FMN2: variants seen among roughly 807,000 people sequenced by gnomAD.
FMN2 encodes formin 2.
A neutral mutation model predicts 142.3 loss-of-function variants in FMN2; 51 were observed. The observed-to-expected ratio is 0.36, with a 90% CI of 0.29 to 0.45. The LOEUF (loss-of-function observed/expected upper bound fraction) is 0.45, where lower values mean the gene tolerates loss of function less well. Ranked by LOEUF, FMN2 falls within the 20% of genes least tolerant of loss-of-function variation. The pLI, the probability that FMN2 is intolerant of heterozygous loss-of-function variation, is 1.00. For synonymous variants in FMN2, 882 were observed against 869.8 expected (o/e 1.01, Z -0.25); for missense variants, 1,936 against 2,122.8 (o/e 0.91, Z 1.73).
At chr1:240,454,870 TG>T (rs371663794) in intron 16 of FMN2, among the ~76,000 whole-genome samples, 154 of 152,264 alleles carry the variant, frequency 1.0e-3, no homozygotes, top group African/African-American at 3.5e-3. Flanking sequence ...GAAAAGCTAT[TG>T]TTTTTTAATG....
chr1:240,364,494 C>A lies in FMN2; in HGVS notation c.4858+8586C>A, dbSNP rs181116531. On this transcript the variant is annotated intron_variant, in intron 14 of 17. Transcript: ENST00000319653. ...AAATGATGATTCCATTTTAAAGGTA[C>A]CTTTCTTGCCACTCTTAACATTTGA... Among the ~76,000 whole-genome samples the A allele has an allele frequency of 3.0e-4, 46 of 152,152 alleles. 1 individual carries two copies. Among genetic ancestry groups the A allele is most frequent in the Middle Eastern group, 6.8e-3 (2 of 294 alleles).
intron 2 of FMN2, chr1:240,143,512 T>C: frequency 6.3e-7 from 1 of 1,581,418 alleles, no homozygotes; most frequent in Non-Finnish European, 8.7e-7. Context: ...TTCCTCCTTC[T>C]CTTTGGAGTC....
At chr1:240,246,138 C>A (rs1300172674) in intron 6 of FMN2, among the ~76,000 whole-genome samples, 3 of 151,676 alleles carry the variant, frequency 2.0e-5, no homozygotes, top group Non-Finnish European at 2.9e-5. Context: ...TGAGATCGCA[C>A]CACTGCACTC....
rs752597475 is a variant in FMN2 at position 240,092,552 on chromosome 1, G to T, written c.443G>T (p.Gly148Val). Residue 148 changes from glycine (G) to valine (V), a missense_variant, in exon 1 of 18, where the codon GGG becomes GTG. Physicochemically the swap from Gly to Val is moderately radical, Grantham distance 109. Coordinates refer to ENST00000319653, the MANE Select transcript of FMN2 (RefSeq NM_020066.5). ...PFEVTGPGGP[G>V]PAEARVGGRP... The stretch of plus-strand genomic sequence containing the variant: ...GAGGTGACCGGTCCAGGGGGTCCTG[G>T]GCCTGCCGAGGCTAGGGTCGGGGGC... The T allele has an allele frequency of 1.9e-6, 3 of 1,612,794 alleles. No homozygotes were observed. The highest frequency in any genetic ancestry group is 2.5e-6 in the Non-Finnish European group (3 of 1,179,648).
intron 13 of FMN2, among the ~76,000 whole-genome samples, chr1:240,336,451 A>ATC (rs949414789): frequency 2.6e-5 from 4 of 151,028 alleles, no homozygotes; most frequent in African/African-American, 9.7e-5. Flanking sequence ...ATTTTCCCCA[A>ATC]TCTGAACACA....
chr1:240,423,097 G>T (rs902034468), intron 15 of FMN2, among the ~76,000 whole-genome samples: 27 of 152,022 alleles, frequency 1.8e-4, no homozygotes, highest in African/African-American at 5.8e-4. Flanking sequence ...TTTTTTCATT[G>T]CCTGCAACAA....
intron 15 of FMN2, among the ~76,000 whole-genome samples, chr1:240,417,230 A>G (rs1674606420): frequency 6.7e-6 from 1 of 150,280 alleles, no homozygotes. Context: ...TATGATATAT[A>G]TTCTCATCCG....
At chr1:240,242,005 C>T (rs1211666955) in intron 6 of FMN2, among the ~76,000 whole-genome samples, 1 of 151,818 alleles carries the variant, frequency 6.6e-6, no homozygotes, top group Non-Finnish European at 1.5e-5. Context: ...GCCACCACGC[C>T]CGGCTAATTT....
chr1:240,216,485 G>T (rs1036806612), intron 6 of FMN2, among the ~76,000 whole-genome samples: 18 of 152,240 alleles, frequency 1.2e-4, no homozygotes, highest in African/African-American at 4.3e-4. Context: ...AAAATTCTTT[G>T]CCCAGAGAAT....
intron 15 of FMN2, among the ~76,000 whole-genome samples, chr1:240,397,388 G>T (rs1162146076): frequency 6.6e-6 from 1 of 152,108 alleles, no homozygotes; most frequent in Non-Finnish European, 1.5e-5. Flanking sequence ...TTCATATTCA[G>T]GAAGCTGAGT....
intron 2 of FMN2, among the ~76,000 whole-genome samples, chr1:240,124,684 T>C (rs957320735): frequency 3.9e-5 from 6 of 152,166 alleles, no homozygotes; most frequent in Admixed American, 6.5e-5. Flanking sequence ...TCTTTTTTTT[T>C]TGAGACGTAG....
intron 2 of FMN2, among the ~76,000 whole-genome samples, chr1:240,157,900 C>T (rs1664091081): frequency 6.7e-6 from 1 of 150,370 alleles, no homozygotes; most frequent in Non-Finnish European, 1.5e-5. Context: ...ACTTTAGGAG[C>T]CTGAGGCAGG....
At chr1:240,232,828 A>AT (rs942145988) in intron 6 of FMN2, among the ~76,000 whole-genome samples, 1 of 151,822 alleles carries the variant, frequency 6.6e-6, no homozygotes, top group Non-Finnish European at 1.5e-5. Flanking sequence ...TCTACTATAC[A>AT]TTTTTTTTCC....
At chr1:240,209,527 G>T (rs993970578) in intron 5 of FMN2, among the ~76,000 whole-genome samples, 24 of 150,888 alleles carry the variant, frequency 1.6e-4, no homozygotes, top group Non-Finnish European at 2.8e-4. Flanking sequence ...ATGCTGGGAT[G>T]ACAGGCGTGA....
chr1:240,317,005 G>A lies in FMN2; in HGVS notation c.4216-12071G>A, dbSNP rs192940915. ...CACATGTTGATTCCTATAATTATCA[G>A]CACAATCAAGATGTAAAACAGGACG... On this transcript the variant is annotated intron_variant, in intron 8 of 17. Coordinates refer to ENST00000319653, the MANE Select transcript of FMN2 (RefSeq NM_020066.5). Among the ~76,000 whole-genome samples, 287 of 152,158 alleles carry A rather than the reference G, an allele frequency of 1.9e-3. 3 individuals are homozygous for A. The highest frequency in any genetic ancestry group is 6.4e-3 in the African/African-American group (267 of 41,514).
chr1:240,165,630 T>A (rs1664450289), intron 2 of FMN2, among the ~76,000 whole-genome samples: 1 of 144,418 alleles, frequency 6.9e-6, no homozygotes, highest in Non-Finnish European at 1.5e-5. Context: ...TCCATTTTTC[T>A]ATTTTTTTTT....
At chr1:240,238,481 A>G (rs1212708999) in intron 6 of FMN2, among the ~76,000 whole-genome samples, 1 of 152,230 alleles carries the variant, frequency 6.6e-6, no homozygotes, top group Non-Finnish European at 1.5e-5. Context: ...ACTGACACAT[A>G]TAATGACTTT....
At chr1:240,134,388 C>CT (rs1334127457) in intron 2 of FMN2, among the ~76,000 whole-genome samples, 1 of 152,104 alleles carries the variant, frequency 6.6e-6, no homozygotes, top group Non-Finnish European at 1.5e-5. Flanking sequence ...GATTGGGAAG[C>CT]TGAGGCAGGA....
chr1:240,460,638 G>T (rs1676418198), intron 16 of FMN2, among the ~76,000 whole-genome samples: 1 of 151,248 alleles, frequency 6.6e-6, no homozygotes, highest in Non-Finnish European at 1.5e-5. Context: ...TAAAATACAT[G>T]TAAATGAATA....
Sources: allele counts gnomAD v4.1 joint callset (sites outside exome capture counted in the v4.1 genomes callset), GRCh38; gene constraint gnomAD v4.1.1; transcripts MANE v1.5; gene names NCBI Gene and HGNC (gene_info 2026-07-23, HGNC 2026-07-21).